Variants in ABTB1 observed in about 807,000 individuals in gnomAD.
The protein encoded by ABTB1 is ankyrin repeat and BTB/POZ domain-containing protein 1.
Under a neutral mutation model 57.1 loss-of-function variants are expected in ABTB1, and 45 were observed. The observed-to-expected ratio is 0.79, with a 90% CI of 0.62 to 1.01. The LOEUF (loss-of-function observed/expected upper bound fraction) is 1.01, where lower values mean the gene tolerates loss of function less well. ABTB1 is among the 50% of genes least tolerant of loss of function. The probability of loss-of-function intolerance (pLI) is 0.00; values close to 1 mark genes in which losing one functional copy is unlikely to be tolerated. For synonymous variants in ABTB1, 302 were observed against 275.4 expected, an observed-to-expected ratio of 1.10 and a Z score of -0.95; for missense variants, 630 against 666.3, an observed-to-expected ratio of 0.95 and a Z score of 0.60.
intron 1 of ABTB1, chr3:127,674,066 G>T (rs558893113): frequency 2.5e-6 from 1 of 395,812 alleles, no homozygotes; most frequent in African/African-American, 2.0e-5. Context: ...AGCTCTGGTG[G>T]GAGTGAAGGC....
Position 127,680,608 on chromosome 3 carries a change from C to A in ABTB1, c.*133C>A. On this transcript the variant is annotated 3_prime_UTR_variant, in exon 12 of 12. Transcript: ENST00000232744. Reference sequence around the variant, plus strand: ...GGGGGGTGCGAGGGGCTCAGTGGGGCTTCTCTTCCCTCCATGAGCCTGGAG... The same window carrying A: ...GGGGGGTGCGAGGGGCTCAGTGGGGATTCTCTTCCCTCCATGAGCCTGGAG... 1 of 1,105,956 alleles carries A rather than the reference C, an allele frequency of 9.0e-7. No individual in the cohort carries two copies. The highest frequency in any genetic ancestry group is 1.4e-6 in the Non-Finnish European group (1 of 736,922). 68.5% of individuals were successfully genotyped at this position (1,105,956 alleles called of 1,614,324 possible). A position where few individuals can be genotyped will look rare whatever the true frequency, so the allele number is the denominator to read the frequency against.
rs764647032 is a variant in ABTB1, at chr3:127,676,082, G to A, written c.288G>A (p.Arg96=). Residue 96 remains arginine (R), a synonymous_variant, in exon 4 of 12, where the codon AGG becomes AGA. Coordinates refer to ENST00000232744, the MANE Select transcript of ABTB1 (RefSeq NM_172027.3). This position sits in a 1 kb window ranked among gnomAD's most constrained non-coding sequence, Gnocchi z 5.4. ...RDYKQVTASC[R]RRDYYDDFLQ... is the part of the protein sequence containing the mutation. ...ACAAGCAGGTCACGGCTTCCTGCAGGAGGCGGGATTACTATGACGACTTCT... is the reference window on the plus strand; with the variant it reads ...ACAAGCAGGTCACGGCTTCCTGCAGAAGGCGGGATTACTATGACGACTTCT... 33 of 1,613,248 alleles carry A rather than the reference G, an allele frequency of 2.0e-5. No individual in the cohort carries two copies. Among genetic ancestry groups the A allele is most frequent in the Non-Finnish European group, 2.6e-5 (31 of 1,180,026 alleles).
intron 10 of ABTB1, chr3:127,679,615 A>G: frequency 2.1e-6 from 1 of 482,310 alleles, no homozygotes; most frequent in Non-Finnish European, 4.1e-6. Context: ...ATGGACTGGG[A>G]ACTAGAGGCA....
chr3:127,678,541 T>C (rs1559889472), intron 10 of ABTB1: 1 of 152,460 alleles, frequency 6.6e-6, no homozygotes, highest in Non-Finnish European at 1.5e-5. Flanking sequence ...CATATGGCCC[T>C]GTTGTAGCTA....
Position 127,680,737 on chromosome 3 carries a change from G to A in ABTB1, c.*262G>A, listed in dbSNP as rs776291979. 2 of 672,064 alleles carry A rather than the reference G, an allele frequency of 3.0e-6. No homozygotes were observed. Among genetic ancestry groups the A allele is most frequent in the Non-Finnish European group, 5.3e-6 (2 of 376,972 alleles). The allele number at this position is 672,064 out of a possible 1,614,324, so 41.6% of individuals were successfully genotyped here. Reference sequence around the variant, plus strand: ...ACCACTCAGGGAAACCTGGGGTGGGGGTGGGCTTTGGTCTTAGCACTTTCC... The same window carrying A: ...ACCACTCAGGGAAACCTGGGGTGGGAGTGGGCTTTGGTCTTAGCACTTTCC... On this transcript the variant is annotated 3_prime_UTR_variant, in exon 12 of 12. Transcript: ENST00000232744.
Position 127,676,064 on chromosome 3 carries a change from G to A in ABTB1, c.270G>A (p.Gln90=), listed in dbSNP as rs1013555690. 7.4e-6 allele frequency: 12 copies of A among 1,613,292 alleles called. No homozygotes were observed. Among genetic ancestry groups the A allele is most frequent in the Admixed American group, 3.3e-5 (2 of 60,002 alleles). ...GCCGGGCTCTACGCGATTACAAGCA[G>A]GTCACGGCTTCCTGCAGGAGGCGGG... The part of the protein sequence containing the change: ...PIRRALRDYK[Q]VTASCRRRDY... Residue 90 remains glutamine (Q), a synonymous_variant, in exon 4 of 12, where the codon CAG becomes CAA. Coordinates refer to ENST00000232744, the MANE Select transcript of ABTB1 (RefSeq NM_172027.3). The surrounding 1 kb of genome is among the most constrained non-coding windows in gnomAD (Gnocchi z 5.4).
At position 127,675,996 on chromosome 3, in the gene ABTB1, G is replaced by C. The variant is rs143409626; in HGVS notation, c.202G>C (p.Asp68His). 4.3e-6 allele frequency: 7 copies of C among 1,611,240 alleles called. No homozygotes were observed. Among genetic ancestry groups the C allele is most frequent in the African/African-American group, 1.3e-5 (1 of 74,886 alleles). Residue 68 changes from aspartate (D) to histidine (H), a missense_variant, in exon 4 of 12, where the codon GAT (aspartate) becomes CAT (histidine). This residue lies in a region of ABTB1 where 579 missense variants were observed against 585.9 expected (regional missense o/e 0.99). Coordinates refer to ENST00000232744, the MANE Select transcript of ABTB1 (RefSeq NM_172027.3). ...AGCCCGCTGCGAGGCCAACACCTTC[G>C]ATGGTGAGCGCTGCCTCTATGGGGC... is the stretch of plus-strand genomic sequence containing the variant. ...NGARCEANTF[D>H]GERCLYGALS...
chr3:127,676,479 C>G lies in ABTB1; in HGVS notation c.480+48C>G. 1 of 1,614,076 alleles carries G rather than the reference C, an allele frequency of 6.2e-7. No individual in the cohort carries two copies. Among genetic ancestry groups the G allele is most frequent in the South Asian group, 1.1e-5 (1 of 91,078 alleles). On this transcript the variant is annotated intron_variant, in intron 5 of 11. Coordinates refer to ENST00000232744, the MANE Select transcript of ABTB1 (RefSeq NM_172027.3). The surrounding 1 kb of genome is among the most constrained non-coding windows in gnomAD (Gnocchi z 5.4). The stretch of plus-strand genomic sequence containing the variant: ...AGGGGCATGAACTGTCCAGGAACAG[C>G]AGGAGGTTGTGCTGGGTGGCTGCCT...
Position 127,680,077 on chromosome 3 carries a change from G to T in ABTB1, c.1122G>T (p.Gln374His). Residue 374 changes from glutamine (Q) to histidine (H), a missense_variant, in exon 11 of 12, where the codon CAG (glutamine) becomes CAT (histidine). Gln to His is a conservative substitution (Grantham distance 24). Around this residue, in one of 3 missense-constraint regions of ABTB1, gnomAD observed 579 missense variants for 585.9 expected, o/e 0.99. Transcript: ENST00000232744. ...GGCTGTGCGGCCGCAGCCTGGCTCA[G>T]ATGCTAGACGAGGACACTGTGGTGG... ...LKRLCGRSLA[Q>H]MLDEDTVVGV... The T allele has an allele frequency of 1.2e-6, 2 of 1,613,900 alleles. No homozygotes were observed. Among genetic ancestry groups the T allele is most frequent in the Non-Finnish European group, 1.7e-6 (2 of 1,180,032 alleles).
Position 127,674,655 on chromosome 3 carries a change from G to C in ABTB1, c.175+55G>C, listed in dbSNP as rs377204168. 3.4e-4 allele frequency: 538 copies of C among 1,598,078 alleles called. 2 individuals are homozygous for C. The African/African-American group carries it at 6.0e-3, about 18-fold the overall frequency. On this transcript the variant is annotated intron_variant, in intron 3 of 11. Coordinates refer to ENST00000232744, the MANE Select transcript of ABTB1 (RefSeq NM_172027.3). ...TGCGTGGGTGCATGCATGTGTGCGT[G>C]TGGGTGCATGCATGCGTGCGTGCAT...
chr3:127,673,213 C>A, intron 1 of ABTB1, 132 bp downstream of exon 1: 1 of 1,028,582 alleles, frequency 9.7e-7, no homozygotes, highest in Non-Finnish European at 1.3e-6. Flanking sequence ...CGGAGCGCCC[C>A]CGCGGGGCAG....
In ABTB1 at chr3:127,676,740, A is replaced by G. The variant is rs566293043; in HGVS notation, c.526+159A>G. ...CTCGGGTTGGGTTGCAAGAGAGAGG[A>G]CTAGTGTGCCTGCTCAGGAAGAGCT... On this transcript the variant is annotated intron_variant, in intron 6 of 11. Transcript: ENST00000232744. The surrounding 1 kb of genome is among the most constrained non-coding windows in gnomAD (Gnocchi z 5.4). The G allele has an allele frequency of 8.3e-6, 8 of 968,158 alleles. No individual in the cohort carries two copies. Among genetic ancestry groups the G allele is most frequent in the Non-Finnish European group, 1.2e-5 (8 of 648,556 alleles). 60.0% of individuals were successfully genotyped at this position (968,158 alleles called of 1,614,324 possible).
At chr3:127,673,151 G>A (rs1046271870) in intron 1 of ABTB1, 70 bp downstream of exon 1, 1 of 1,378,834 alleles carries the variant, frequency 7.3e-7, no homozygotes, top group Non-Finnish European at 9.5e-7. Flanking sequence ...GCCCTGGGAC[G>A]GGCGGCTGGG....
chr3:127,674,530 C>A lies in ABTB1; in HGVS notation c.120-15C>A, dbSNP rs1423529557. On this transcript the variant is annotated splice_polypyrimidine_tract_variant and intron_variant, in intron 2 of 11. Transcript: ENST00000232744. ...GCACTGAGGACTGCCTCCTGTACTTCCTTCCTCCCTTCAGGTACTATGCCT... is the reference window on the plus strand; with the variant it reads ...GCACTGAGGACTGCCTCCTGTACTTACTTCCTCCCTTCAGGTACTATGCCT... 1.9e-6 allele frequency: 3 copies of A among 1,614,078 alleles called. No homozygotes were observed. The highest frequency in any genetic ancestry group is 1.7e-6 in the Non-Finnish European group (2 of 1,179,954).
At position 127,680,711 on chromosome 3, in the gene ABTB1, C is replaced by T. The variant is rs756466075; in HGVS notation, c.*236C>T. ...CAGCCCCCAAGACCCTGGGGGTGGA[C>T]ACCACTCAGGGAAACCTGGGGTGGG... On this transcript the variant is annotated 3_prime_UTR_variant, in exon 12 of 12. Coordinates refer to ENST00000232744, the MANE Select transcript of ABTB1 (RefSeq NM_172027.3). The T allele has an allele frequency of 1.4e-5, 10 of 691,416 alleles. No individual in the cohort carries two copies. The highest frequency in any genetic ancestry group is 1.6e-5 in the South Asian group (1 of 61,158). The allele number at this position is 691,416 out of a possible 1,614,324, so 42.8% of individuals were successfully genotyped here.
rs1392182811 is a variant in ABTB1, at chr3:127,677,834, C to T, written c.1020C>T (p.Asp340=). Residue 340 remains aspartate, a synonymous_variant, in exon 10 of 12, where the codon GAC becomes GAT. Coordinates refer to ENST00000232744, the MANE Select transcript of ABTB1 (RefSeq NM_172027.3). ...FTHVLYYMYS[D]HTELSPEAAY... ...ACGTGCTCTACTACATGTACAGCGA[C>T]CACACTGAGGTGGGGGCTCAGGCAG... 6.2e-7 allele frequency: 1 copy of T among 1,611,888 alleles called. No individual in the cohort carries two copies. Among genetic ancestry groups the T allele is most frequent in the South Asian group, 1.1e-5 (1 of 90,896 alleles).
chr3:127,674,395 C>G lies in ABTB1; in HGVS notation c.61C>G (p.Leu21Val). The change falls in exon 2 of 12, where the codon CTG (leucine) becomes GTG (valine). Residue 21 changes from leucine (L) to valine (V), a missense_variant. Transcript: ENST00000232744. ...RKGDVGRVRY[L>V]LEQRDVEVNV... ...TCTGACCTCCTTCCTGCCCAGGTAC[C>G]TGCTGGAGCAGCGAGACGTGGAGGT... 6.3e-7 allele frequency: 1 copy of G among 1,577,402 alleles called. No homozygotes were observed. Among genetic ancestry groups the G allele is most frequent in the African/African-American group, 1.4e-5 (1 of 73,614 alleles).
At position 127,680,535 on chromosome 3, in the gene ABTB1, G is replaced by T. The variant is rs577700164; in HGVS notation, c.*60G>T. 1 of 1,575,482 alleles carries T rather than the reference G, an allele frequency of 6.3e-7. No homozygotes were observed. The highest frequency in any genetic ancestry group is 8.6e-7 in the Non-Finnish European group (1 of 1,160,022). On this transcript the variant is annotated 3_prime_UTR_variant, in exon 12 of 12. Coordinates refer to ENST00000232744, the MANE Select transcript of ABTB1 (RefSeq NM_172027.3). ...CTCTTGGAGACAAGCATGTGTATGC[G>T]TTTGTGTGCAGCTCTTCTTCCTGCT...
intron 3 of ABTB1, 54 bp downstream of exon 3, chr3:127,674,654 T>TGTGGGTGCATGCATGC: frequency 6.3e-7 from 1 of 1,597,884 alleles, no homozygotes; most frequent in Non-Finnish European, 8.6e-7. Flanking sequence ...CATGTGTGCG[T>TGTGGGTGCATGCATGC]GTGGGTGCAT....
Sources: allele counts gnomAD v4.1 joint callset, GRCh38; gene constraint gnomAD v4.1.1; regional missense constraint gnomAD v4.1.1; non-coding constraint Gnocchi (gnomAD v3.1); transcripts MANE v1.5; gene names NCBI Gene and HGNC (gene_info 2026-07-23, HGNC 2026-07-21).